PLCL1: variants seen among roughly 807,000 people sequenced by gnomAD.
PLCL1 encodes the protein inactive phospholipase C-like protein 1.
PLCL1 carries 41 observed loss-of-function variants against 84.4 expected under a neutral mutation model. The observed-to-expected ratio is 0.49, with a 90% CI of 0.38 to 0.63. The LOEUF (loss-of-function observed/expected upper bound fraction) is 0.63. Among genes scored for constraint, PLCL1 ranks in the 30% least tolerant of loss-of-function variants. PLCL1 has a pLI of 0.00. For synonymous variants in PLCL1, 490 were observed against 488.3 expected, an observed-to-expected ratio of 1.00 and a Z score of -0.05; for missense variants, 1,206 against 1,367.8, an observed-to-expected ratio of 0.88 and a Z score of 1.87.
chr2:198,111,690 G>C (rs1037852468), intron 5 of PLCL1, among the ~76,000 whole-genome samples: 2 of 151,812 alleles, frequency 1.3e-5, no homozygotes, highest in African/African-American at 4.8e-5. Flanking sequence ...GGGGAAATGA[G>C]GCTCAGGAGG....
chr2:198,057,504 A>G (rs1015292635), intron 1 of PLCL1, among the ~76,000 whole-genome samples: 11 of 152,226 alleles, frequency 7.2e-5, no homozygotes, highest in African/African-American at 2.2e-4. Flanking sequence ...CCAAGATTAC[A>G]TAGTGAATAG....
chr2:197,830,030 T>C lies in PLCL1; in HGVS notation c.240+24691T>C, dbSNP rs1691023659. On this transcript the variant is annotated intron_variant, in intron 1 of 5. Transcript: ENST00000428675. The stretch of plus-strand genomic sequence containing the variant: ...ATATAAAGATGAAAACATCACATCG[T>C]AAGCCCCATTAGTTAAAAATATGCT... 3.9e-5 allele frequency among the ~76,000 whole-genome samples: 6 copies of C among 152,134 alleles called. No individual in the cohort carries two copies. The South Asian group carries it at 1.2e-3, about 32-fold the overall frequency.
chr2:197,888,673 A>G (rs1336415411), intron 1 of PLCL1, among the ~76,000 whole-genome samples: 6 of 152,228 alleles, frequency 3.9e-5, no homozygotes, highest in Non-Finnish European at 7.3e-5. Flanking sequence ...TTATTACTGA[A>G]CTATCTTGCA....
intron 1 of PLCL1, among the ~76,000 whole-genome samples, chr2:198,008,612 A>G (rs1193946896): frequency 6.6e-6 from 1 of 151,602 alleles, no homozygotes; most frequent in African/African-American, 2.4e-5. Flanking sequence ...CTGTTGATGG[A>G]CATTTGGACT....
rs187015027 is a variant in PLCL1 at position 197,819,356 on chromosome 2, G to A, written c.240+14017G>A. ...AAACATGACATTGAAATTTTAAAGT[G>A]AGCAAGACTGAGTAAGGACTCAAAA... On this transcript the variant is annotated intron_variant, in intron 1 of 5. Transcript: ENST00000428675. Among the ~76,000 whole-genome samples the A allele has an allele frequency of 3.3e-5, 5 of 152,208 alleles. No individual in the cohort carries two copies. The East Asian group carries it at 9.7e-4, about 29-fold the overall frequency.
At chr2:198,023,001 C>T (rs11689393) in intron 1 of PLCL1, among the ~76,000 whole-genome samples, 39,739 of 152,090 alleles carry the variant, frequency 0.26, 6,411 homozygotes, top group East Asian at 0.51. Context: ...TCAAACTATA[C>T]TGCAAGGCTA....
intron 3 of PLCL1, among the ~76,000 whole-genome samples, chr2:198,092,348 A>G (rs1693065282): frequency 6.6e-6 from 1 of 152,174 alleles, no homozygotes; most frequent in Admixed American, 6.5e-5. Flanking sequence ...ACTCTCTTCC[A>G]GCCACACTGG....
intron 1 of PLCL1, among the ~76,000 whole-genome samples, chr2:197,874,380 A>G (rs1256707856): frequency 6.6e-6 from 1 of 152,138 alleles, no homozygotes; most frequent in African/African-American, 2.4e-5. Flanking sequence ...AAACAAAAAG[A>G]AAATAAAAAT....
chr2:198,013,655 A>G lies in PLCL1; in HGVS notation c.241-70103A>G, dbSNP rs191663888. On this transcript the variant is annotated intron_variant, in intron 1 of 5. Transcript: ENST00000428675. ...GAATTTAAGGCAAATATGGGTGGCG[A>G]TTAGACCAATTATAGACAAACATAT... Among the ~76,000 whole-genome samples the G allele has an allele frequency of 1.2e-4, 18 of 152,268 alleles. No homozygotes were observed. The South Asian group carries it at 3.3e-3, about 28-fold the overall frequency.
intron 1 of PLCL1, among the ~76,000 whole-genome samples, chr2:197,837,273 G>A (rs983691980): frequency 2.0e-5 from 3 of 152,022 alleles, no homozygotes; most frequent in African/African-American, 7.2e-5. Flanking sequence ...CAACATAAAG[G>A]GTTTTATATG....
At chr2:197,813,312 A>G (rs191123046) in intron 1 of PLCL1, among the ~76,000 whole-genome samples, 1 of 152,272 alleles carries the variant, frequency 6.6e-6, no homozygotes, top group East Asian at 1.9e-4. Context: ...AATGTCCTTG[A>G]ACTTGCAGTT....
chr2:198,004,806 G>A (rs183479395), intron 1 of PLCL1, among the ~76,000 whole-genome samples: 4 of 152,180 alleles, frequency 2.6e-5, no homozygotes, highest in Admixed American at 2.6e-4. Context: ...CAGGATAAAC[G>A]CCTCCTGCAT....
chr2:198,017,028 G>C (rs1691015386), intron 1 of PLCL1, among the ~76,000 whole-genome samples: 1 of 152,150 alleles, frequency 6.6e-6, no homozygotes, highest in African/African-American at 2.4e-5. Flanking sequence ...GGGGAATGAA[G>C]GTGGAGCCAT....
At chr2:197,854,155 C>A (rs1324774201) in intron 1 of PLCL1, among the ~76,000 whole-genome samples, 1 of 152,088 alleles carries the variant, frequency 6.6e-6, no homozygotes, top group African/African-American at 2.4e-5. Flanking sequence ...GCATCCTTGG[C>A]CCTGAGTGCA....
intron 1 of PLCL1, among the ~76,000 whole-genome samples, chr2:198,030,674 C>G (rs1235318079): frequency 6.6e-6 from 1 of 152,130 alleles, no homozygotes; most frequent in African/African-American, 2.4e-5. Context: ...TCTTTAACAG[C>G]TCTGTGAGGT....
rs1254809415 is a variant in PLCL1 at position 198,085,521 on chromosome 2, A to T, written c.2004A>T (p.Ala668=). The T allele has an allele frequency of 6.2e-7, 1 of 1,614,012 alleles. No individual in the cohort carries two copies. Among genetic ancestry groups the T allele is most frequent in the East Asian group, 2.2e-5 (1 of 44,880 alleles). The change falls in exon 2 of 6, where the codon GCA becomes GCT. Residue 668 remains alanine (A), a synonymous_variant. Transcript: ENST00000428675. The surrounding 1 kb of genome is among the most constrained non-coding windows in gnomAD (Gnocchi z 5.3). ...GGAATTGTGGCTGTCAGATTGTAGCAATGAATTTTCAGACTCCGGGTCCAA... is the reference window on the plus strand; with the variant it reads ...GGAATTGTGGCTGTCAGATTGTAGCTATGAATTTTCAGACTCCGGGTCCAA... ...DFWNCGCQIV[A]MNFQTPGPMM...
At chr2:198,005,005 A>G (rs969466168) in intron 1 of PLCL1, among the ~76,000 whole-genome samples, 1 of 152,248 alleles carries the variant, frequency 6.6e-6, no homozygotes, top group Non-Finnish European at 1.5e-5. Flanking sequence ...TAACACATCT[A>G]GAAATAGTCA....
intron 1 of PLCL1, among the ~76,000 whole-genome samples, chr2:197,858,648 C>A (rs920783864): frequency 1.3e-5 from 2 of 152,136 alleles, no homozygotes; most frequent in African/African-American, 2.4e-5. Flanking sequence ...TATTTTGTAA[C>A]TTTCTTATTA....
chr2:198,122,557 T>C (rs927813100), intron 5 of PLCL1, among the ~76,000 whole-genome samples: 1 of 152,058 alleles, frequency 6.6e-6, no homozygotes, highest in African/African-American at 2.4e-5. Flanking sequence ...GGCAAACCCT[T>C]TGGTCTCAGT....
Sources: allele counts gnomAD v4.1 joint callset (sites outside exome capture counted in the v4.1 genomes callset), GRCh38; gene constraint gnomAD v4.1.1; non-coding constraint Gnocchi (gnomAD v3.1); transcripts MANE v1.5; gene names NCBI Gene and HGNC (gene_info 2026-07-23, HGNC 2026-07-21).